The following ATF6 variants were observed in gnomAD, a reference collection of about 807,000 sequenced individuals.
The protein encoded by ATF6 is cyclic AMP-dependent transcription factor ATF-6 alpha.
A neutral mutation model predicts 83.6 loss-of-function variants in ATF6; 53 were observed. The ratio of observed to expected loss-of-function variants is 0.63; its 90% CI spans 0.51 to 0.80. The LOEUF (loss-of-function observed/expected upper bound fraction) is 0.80. Ranked by LOEUF, ATF6 falls within the 30% of genes least tolerant of loss-of-function variation. ATF6 has a pLI of 0.00. For missense variants in ATF6, 744 were observed against 797.9 expected, an observed-to-expected ratio of 0.93 and a Z score of 0.81; for synonymous variants, 288 against 285.8, an observed-to-expected ratio of 1.01 and a Z score of -0.08.
At chr1:161,877,312 T>A (rs556718722) in intron 14 of ATF6, among the ~76,000 whole-genome samples, 28 of 152,154 alleles carry the variant, frequency 1.8e-4, no homozygotes, top group African/African-American at 6.7e-4. Flanking sequence ...GCAAAATAAT[T>A]GACAGATATA....
chr1:161,800,235 T>C (rs1354331981), intron 6 of ATF6, among the ~76,000 whole-genome samples: 1 of 152,212 alleles, frequency 6.6e-6, no homozygotes, highest in Non-Finnish European at 1.5e-5. Context: ...TTTTAGAATA[T>C]TTGCATATAC....
intron 5 of ATF6, 33 bp downstream of exon 5, chr1:161,791,570 T>TATTTC: frequency 6.4e-7 from 1 of 1,562,656 alleles, no homozygotes; most frequent in South Asian, 1.2e-5. Flanking sequence ...CTGTTATTTC[T>TATTTC]ATTTCAGATT....
chr1:161,876,417 A>G (rs755521907), intron 14 of ATF6, among the ~76,000 whole-genome samples: 1 of 152,046 alleles, frequency 6.6e-6, no homozygotes, highest in Non-Finnish European at 1.5e-5. Flanking sequence ...TCTCTCAGCT[A>G]TTATATGCAC....
chr1:161,793,677 G>T (rs1318225501), intron 6 of ATF6, among the ~76,000 whole-genome samples: 1 of 152,182 alleles, frequency 6.6e-6, no homozygotes, highest in Non-Finnish European at 1.5e-5. Flanking sequence ...TATGACTAGC[G>T]TATAAAGCAG....
intron 9 of ATF6, among the ~76,000 whole-genome samples, chr1:161,836,116 G>T (rs1327453042): frequency 6.6e-6 from 1 of 152,140 alleles, no homozygotes; most frequent in Non-Finnish European, 1.5e-5. Flanking sequence ...GGAGCATATG[G>T]CATTGAGTTT....
chr1:161,786,347 T>C (rs1357741950), intron 4 of ATF6, among the ~76,000 whole-genome samples: 1 of 152,198 alleles, frequency 6.6e-6, no homozygotes, highest in Non-Finnish European at 1.5e-5. Flanking sequence ...TGCTTTATTA[T>C]ATATTAGGAT....
At chr1:161,907,757 G>A (rs1687904696) in intron 14 of ATF6, among the ~76,000 whole-genome samples, 2 of 152,074 alleles carry the variant, frequency 1.3e-5, no homozygotes, top group Non-Finnish European at 2.9e-5. Flanking sequence ...TTATATTAAT[G>A]TGCACTCATT....
intron 1 of ATF6, among the ~76,000 whole-genome samples, chr1:161,772,004 A>G (rs766748321): frequency 3.3e-5 from 5 of 152,098 alleles, no homozygotes; most frequent in Non-Finnish European, 5.9e-5. Flanking sequence ...TACCAATAAC[A>G]TCTCACTTTC....
chr1:161,784,366 T>G (rs1047827209), intron 4 of ATF6, among the ~76,000 whole-genome samples: 1 of 152,234 alleles, frequency 6.6e-6, no homozygotes, highest in Non-Finnish European at 1.5e-5. Flanking sequence ...TATTTGTTTA[T>G]TGGCTTACTG....
At chr1:161,795,955 T>G (rs1005630626) in intron 6 of ATF6, among the ~76,000 whole-genome samples, 1 of 152,194 alleles carries the variant, frequency 6.6e-6, no homozygotes, top group African/African-American at 2.4e-5. Context: ...CTGATTTAGC[T>G]GCTGGGTAAT....
At chr1:161,901,864 T>A (rs1459130622) in intron 14 of ATF6, among the ~76,000 whole-genome samples, 2 of 152,200 alleles carry the variant, frequency 1.3e-5, no homozygotes, top group African/African-American at 4.8e-5. Context: ...GAATGGAACT[T>A]GTACCCATGC....
At chr1:161,861,034 C>T (rs1686875034) in intron 13 of ATF6, among the ~76,000 whole-genome samples, 1 of 152,144 alleles carries the variant, frequency 6.6e-6, no homozygotes, top group Non-Finnish European at 1.5e-5. Context: ...GAAGTTTTCT[C>T]ATCTACAAAA....
intron 9 of ATF6, among the ~76,000 whole-genome samples, chr1:161,831,628 A>T (rs1686063123): frequency 6.6e-6 from 1 of 152,152 alleles, no homozygotes; most frequent in South Asian, 2.1e-4. Flanking sequence ...AAAAATGATG[A>T]GTTCATGTCC....
intron 10 of ATF6, among the ~76,000 whole-genome samples, chr1:161,849,980 C>T (rs1686577222): frequency 6.6e-6 from 1 of 152,140 alleles, no homozygotes; most frequent in Non-Finnish European, 1.5e-5. Flanking sequence ...TGATACTCTT[C>T]CCCAAAATTG....
At chr1:161,832,924 C>T (rs200627920) in intron 9 of ATF6, among the ~76,000 whole-genome samples, 1 of 152,214 alleles carries the variant, frequency 6.6e-6, no homozygotes, top group Non-Finnish European at 1.5e-5. Flanking sequence ...TCCCAGCATG[C>T]AGCTTGAGAT....
intron 15 of ATF6, among the ~76,000 whole-genome samples, chr1:161,940,914 C>T (rs1444077557): frequency 2.6e-5 from 4 of 152,112 alleles, no homozygotes; most frequent in African/African-American, 9.7e-5. Flanking sequence ...AGGCACCTTC[C>T]TCTTTATTCT....
At chr1:161,917,065 T>TA (rs1688115718) in intron 15 of ATF6, among the ~76,000 whole-genome samples, 1 of 152,188 alleles carries the variant, frequency 6.6e-6, no homozygotes, top group African/African-American at 2.4e-5. Context: ...GTTCGCCACT[T>TA]ACCACCATAT....
At chr1:161,865,338 T>G (rs1357227944) in intron 14 of ATF6, among the ~76,000 whole-genome samples, 1 of 152,060 alleles carries the variant, frequency 6.6e-6, no homozygotes, top group African/African-American at 2.4e-5. Flanking sequence ...TTTTGTGTTT[T>G]TAGTAGAGAC....
chr1:161,779,461 C>T (rs556579272), intron 2 of ATF6, among the ~76,000 whole-genome samples: 34 of 152,270 alleles, frequency 2.2e-4, no homozygotes, highest in Admixed American at 2.6e-4. Flanking sequence ...TTCTTCCAAA[C>T]GGCAATAGAA....
Sources: allele counts gnomAD v4.1 joint callset (sites outside exome capture counted in the v4.1 genomes callset), GRCh38; gene constraint gnomAD v4.1.1; transcripts MANE v1.5; gene names NCBI Gene and HGNC (gene_info 2026-07-23, HGNC 2026-07-21).